RAB37: variants seen among roughly 807,000 people sequenced by gnomAD.
The protein encoded by RAB37 is RAB37, member RAS oncogene family, also known as ras-related protein Rab-37.
RAB37 carries 29 observed loss-of-function variants against 33.1 expected under a neutral mutation model. The observed-to-expected ratio is 0.88, with a 90% CI of 0.65 to 1.20. RAB37 has a LOEUF of 1.20. RAB37 is among the 50% of genes most tolerant of loss of function. RAB37 has a pLI of 0.00. For synonymous variants in RAB37, 128 were observed against 119.5 expected (o/e 1.07, Z -0.47); for missense variants, 299 against 301.1 (o/e 0.99, Z 0.05).
chr17:74,731,024 C>T (rs1265623727), intron 2 of RAB37, among the ~76,000 whole-genome samples: 3 of 152,214 alleles, frequency 2.0e-5, no homozygotes, highest in Admixed American at 6.5e-5. Context: ...AGCCAGCACC[C>T]GATGTTCTGG....
At chr17:74,736,641 C>T (rs2034479016), upstream of RAB37, 3 of 1,535,140 alleles carry the variant, frequency 2.0e-6, no homozygotes, top group Admixed American at 2.0e-5. Context: ...ACCAACAGGC[C>T]GGGGGAAATG....
In RAB37 at chr17:74,740,763, C is replaced by G. The variant is rs556048886; in HGVS notation, c.94-5C>G. On this transcript the variant is annotated splice_region_variant and splice_polypyrimidine_tract_variant and intron_variant, in intron 1 of 8. Transcript: ENST00000392613. ...CCATTAACTGCCTCTGCCCCTACCC[C>G]CTAGGTGATGCTTCTGGGAGACACA... 1,919 of 1,608,920 alleles carry G rather than the reference C, an allele frequency of 1.2e-3. 34 individuals are homozygous for G. In the South Asian group the frequency reaches 0.018, roughly 15 times the overall value.
chr17:74,713,756 T>C (rs1055664763), intron 1 of RAB37, among the ~76,000 whole-genome samples: 11 of 151,822 alleles, frequency 7.2e-5, no homozygotes, highest in African/African-American at 2.2e-4. Flanking sequence ...TATGAGGAGA[T>C]TGGGTATCCA....
intron 1 of RAB37, among the ~76,000 whole-genome samples, chr17:74,728,736 A>G (rs964415690): frequency 6.9e-6 from 1 of 145,808 alleles, no homozygotes; most frequent in African/African-American, 2.6e-5. Context: ...ATATGTGTAC[A>G]TGTGTTTTTC....
At chr17:74,718,316 C>T (rs995430725) in intron 1 of RAB37, among the ~76,000 whole-genome samples, 1 of 147,702 alleles carries the variant, frequency 6.8e-6, no homozygotes, top group Non-Finnish European at 1.5e-5. Context: ...TCATATCATA[C>T]ATCATATCAT....
chr17:74,735,006 A>AAAGGAAGGAAGG (rs1278575071), upstream of RAB37, among the ~76,000 whole-genome samples: 84 of 99,178 alleles, frequency 8.5e-4, 2 homozygotes, highest in East Asian at 0.018. Flanking sequence ...AAAGAAAAAG[A>AAAGGAAGGAAGG]AAGGAAGGAA....
intron 1 of RAB37, among the ~76,000 whole-genome samples, chr17:74,678,980 A>G (rs1478962406): frequency 2.0e-5 from 3 of 151,932 alleles, no homozygotes; most frequent in Non-Finnish European, 4.4e-5. Context: ...GCGTGGTGGC[A>G]GGCGCCTGTA....
rs535173581 is a variant in RAB37, at chr17:74,737,906, C to G, written c.93+541C>G. 5.3e-5 allele frequency among the ~76,000 whole-genome samples: 8 copies of G among 152,310 alleles called. No homozygotes were observed. The South Asian group carries it at 1.5e-3, about 28-fold the overall frequency. On this transcript the variant is annotated intron_variant, in intron 1 of 8. Transcript: ENST00000392613. ...TTCCTCCCTGCAGTCGGAAGCCGCT[C>G]CTCCCAGAAGGATGTTGCCAGCCGG...
At chr17:74,722,047 G>C (rs1448261587) in intron 1 of RAB37, among the ~76,000 whole-genome samples, 1 of 152,078 alleles carries the variant, frequency 6.6e-6, no homozygotes, top group African/African-American at 2.4e-5. Context: ...TGTAATCCCA[G>C]CACTTTGGGA....
chr17:74,681,125 G>T (rs371956579), intron 1 of RAB37, among the ~76,000 whole-genome samples: 7 of 152,260 alleles, frequency 4.6e-5, no homozygotes, highest in East Asian at 1.9e-4. Flanking sequence ...CACAGGCAGA[G>T]ATGGCTCAGG....
chr17:74,715,105 A>G (rs1349188863), intron 1 of RAB37, among the ~76,000 whole-genome samples: 2 of 152,304 alleles, frequency 1.3e-5, no homozygotes, highest in African/African-American at 2.4e-5. Context: ...CTGGGCAACA[A>G]GAGTGAAACT....
intron 1 of RAB37, chr17:74,677,399 ATTTT>A (rs66960165): frequency 6.6e-6 from 1 of 150,976 alleles, no homozygotes; most frequent in Non-Finnish European, 1.5e-5. Context: ...TGCTTCTTTT[ATTTT>A]TTTTTCGATG....
Position 74,746,385 on chromosome 17 carries a change from G to A in RAB37, c.*974G>A, listed in dbSNP as rs932266048. On this transcript the variant is annotated 3_prime_UTR_variant, in exon 9 of 9. Transcript: ENST00000392613. The surrounding 1 kb of genome is among the most constrained non-coding windows in gnomAD (Gnocchi z 5.2). ...ACTATAGGTGTGTACCATCACACCT[G>A]GCTAATTTTTGTATTTTTTGTAGAC... 3 of 152,162 alleles carry A rather than the reference G, an allele frequency of 2.0e-5. No homozygotes were observed. The highest frequency in any genetic ancestry group is 2.9e-5 in the Non-Finnish European group (2 of 68,048). 9.4% of individuals were successfully genotyped at this position (152,162 alleles called of 1,614,324 possible).
chr17:74,743,955 T>C (rs923817004), intron 5 of RAB37, among the ~76,000 whole-genome samples: 3 of 152,154 alleles, frequency 2.0e-5, no homozygotes, highest in African/African-American at 7.2e-5. Flanking sequence ...CACTAATCAA[T>C]CACAGTACTT....
rs145779343 is a variant in RAB37, at chr17:74,675,862, C to T, written c.72+4204C>T. Among the ~76,000 whole-genome samples the T allele has an allele frequency of 3.9e-3, 588 of 152,300 alleles. 3 individuals carry two copies. Among genetic ancestry groups the T allele is most frequent in the African/African-American group, 0.014 (562 of 41,568 alleles). ...TCTTAGAAGATTCCCGTAGGGTGGG[C>T]TGGAAGCTGGGAACTGACTGAAAAC... On this transcript the variant is annotated intron_variant, in intron 1 of 7. Transcript: ENST00000340415.
At chr17:74,735,740 T>C (rs1477689258), upstream of RAB37, among the ~76,000 whole-genome samples, 1 of 152,202 alleles carries the variant, frequency 6.6e-6, no homozygotes, top group Admixed American at 6.5e-5. Flanking sequence ...CTCTTTACTC[T>C]ACTGGAGATC....
At chr17:74,700,192 A>G (rs2032917967) in intron 1 of RAB37, among the ~76,000 whole-genome samples, 1 of 151,982 alleles carries the variant, frequency 6.6e-6, no homozygotes, top group African/African-American at 2.4e-5. Flanking sequence ...AACAATCAAA[A>G]TAAAATAAAT....
intron 2 of RAB37, among the ~76,000 whole-genome samples, chr17:74,732,036 AC>A (rs886584539): frequency 7.9e-5 from 12 of 151,738 alleles, no homozygotes; most frequent in Non-Finnish European, 1.6e-4. Context: ...AAAAAAAAAA[AC>A]ACCTCACTCT....
upstream of RAB37, among the ~76,000 whole-genome samples, chr17:74,735,221 G>A (rs940333271): frequency 2.0e-5 from 3 of 149,508 alleles, no homozygotes; most frequent in African/African-American, 4.9e-5. Flanking sequence ...GGAGGAGAGG[G>A]GAGGGGAGGG....
Sources: gnomAD v4.1 joint callset for allele counts (sites outside exome capture counted in the v4.1 genomes callset) on GRCh38, gnomAD v4.1.1 for gene constraint, Gnocchi (gnomAD v3.1) non-coding constraint, MANE v1.5 for transcripts, NCBI Gene and HGNC (gene_info 2026-07-23, HGNC 2026-07-21) for gene names.